The following ERG variants were observed in gnomAD, a reference collection of about 807,000 sequenced individuals.
ERG encodes ETS transcription factor ERG.
In ERG, 9 loss-of-function variants were observed where a neutral mutation model predicts 55.3. That is an observed-to-expected ratio of 0.16 (90% confidence interval 0.10 to 0.28). The LOEUF (loss-of-function observed/expected upper bound fraction) is 0.28. Ranked by LOEUF, ERG falls within the 10% of genes least tolerant of loss-of-function variation. ERG has a pLI of 1.00. For synonymous variants in ERG, 223 were observed against 237.3 expected (o/e 0.94, Z 0.55); for missense variants, 434 against 631.6 (o/e 0.69, Z 3.35).
At chr21:38,640,993 C>T (rs1314361185) in intron 1 of ERG, among the ~76,000 whole-genome samples, 2 of 152,148 alleles carry the variant, frequency 1.3e-5, no homozygotes, top group South Asian at 2.1e-4. Flanking sequence ...AGTGATAAAA[C>T]ATGTAGAAAA....
In ERG at chr21:38,383,449, C is replaced by T. The variant is rs1380476808; in HGVS notation, c.1394G>A (p.Arg465Lys). Residue 465 changes from arginine (R) to lysine (K), a missense_variant, in exon 10 of 10, where the codon AGG becomes AAG. Arg to Lys is a conservative substitution (Grantham distance 26). Coordinates refer to ENST00000288319, the MANE Select transcript of ERG (RefSeq NM_182918.4). This position sits in a 1 kb window ranked among gnomAD's most constrained non-coding sequence, Gnocchi z 5.7. ...SPTGGIYPNT[R>K]LPTSHMPSHL... is the part of the protein sequence containing the mutation. ...AGAAGGCATATGGCTGGTGGGGAGC[C>T]TAGTGTTGGGGTATATACCCCCAGT... The T allele has an allele frequency of 6.6e-7, 1 of 1,517,016 alleles. No individual in the cohort carries two copies. Among genetic ancestry groups the T allele is most frequent in the East Asian group, 2.3e-5 (1 of 43,926 alleles). The allele number at this position is 1,517,016 out of a possible 1,614,324, so 94.0% of individuals were successfully genotyped here. A position where few individuals can be genotyped will look rare whatever the true frequency, so the allele number is the denominator to read the frequency against.
At chr21:38,649,891 C>T (rs1231107945) in intron 1 of ERG, among the ~76,000 whole-genome samples, 1 of 152,208 alleles carries the variant, frequency 6.6e-6, no homozygotes, top group East Asian at 1.9e-4. Flanking sequence ...TCGCTACACA[C>T]CAGAGACGTA....
In ERG at chr21:38,593,992, C is replaced by CT. The variant is rs371491364; in HGVS notation, c.-149-9048_-149-9047insA. On this transcript the variant is annotated intron_variant, in intron 1 of 10. Coordinates refer to the ERG transcript ENST00000398910. Reference sequence around the variant, plus strand: ...GAAAAAATATTTCAGATTCCCAATTCGTATATCACATTGTTGACAAAAAAA... The same window carrying CT: ...GAAAAAATATTTCAGATTCCCAATTCTGTATATCACATTGTTGACAAAAAAA... Among the ~76,000 whole-genome samples the CT allele has an allele frequency of 1.6e-3, 242 of 152,132 alleles. 1 individual carries two copies. The highest frequency in any genetic ancestry group is 4.5e-3 in the African/African-American group (187 of 41,520).
chr21:38,541,882 T>A (rs896608463), intron 2 of ERG, among the ~76,000 whole-genome samples: 2 of 151,334 alleles, frequency 1.3e-5, no homozygotes, highest in African/African-American at 4.9e-5. Flanking sequence ...GTAACAAACC[T>A]GCACATCCGG....
intron 1 of ERG, among the ~76,000 whole-genome samples, chr21:38,452,473 CATAT>C (rs1569110614): frequency 6.6e-6 from 1 of 152,032 alleles, no homozygotes; most frequent in African/African-American, 2.4e-5. Flanking sequence ...AAATATCATA[CATAT>C]GTATACATAT....
chr21:38,407,443 T>C (rs964666683), intron 3 of ERG, among the ~76,000 whole-genome samples: 2 of 151,858 alleles, frequency 1.3e-5, no homozygotes, highest in Admixed American at 6.6e-5. Context: ...CAGAAAGAAA[T>C]TCAGAGGGAG....
intron 1 of ERG, among the ~76,000 whole-genome samples, chr21:38,465,297 C>T (rs968680158): frequency 6.6e-6 from 1 of 152,044 alleles, no homozygotes; most frequent in Non-Finnish European, 1.5e-5. Flanking sequence ...AGAGAAAAGC[C>T]GATCTGAAAA....
At chr21:38,632,273 C>G (rs2060361209) in intron 1 of ERG, among the ~76,000 whole-genome samples, 1 of 152,124 alleles carries the variant, frequency 6.6e-6, no homozygotes, top group Non-Finnish European at 1.5e-5. Context: ...AAAAGATGCT[C>G]AATGTCACTA....
intron 2 of ERG, among the ~76,000 whole-genome samples, chr21:38,519,941 C>G (rs528130815): frequency 6.6e-6 from 1 of 151,904 alleles, no homozygotes; most frequent in African/African-American, 2.4e-5. Context: ...AGCTTGGACA[C>G]TGAAAGCATT....
At chr21:38,418,216 G>A (rs1449439127) in intron 3 of ERG, among the ~76,000 whole-genome samples, 2 of 151,458 alleles carry the variant, frequency 1.3e-5, no homozygotes, top group Non-Finnish European at 2.9e-5. Flanking sequence ...TACACAATAA[G>A]CATGTTAATA....
At chr21:38,586,741 C>CA (rs2060067894), upstream of ERG, among the ~76,000 whole-genome samples, 1 of 152,090 alleles carries the variant, frequency 6.6e-6, no homozygotes, top group Non-Finnish European at 1.5e-5. Flanking sequence ...GTATGTATTA[C>CA]AAATCAAAAT....
At chr21:38,518,244 C>G (rs916210767) in intron 2 of ERG, among the ~76,000 whole-genome samples, 18 of 80,684 alleles carry the variant, frequency 2.2e-4, no homozygotes, top group African/African-American at 7.7e-4. Context: ...GTGTATCTAT[C>G]TATCTATCTA....
At chr21:38,591,002 T>C (rs1357366902) in intron 1 of ERG, among the ~76,000 whole-genome samples, 1 of 151,990 alleles carries the variant, frequency 6.6e-6, no homozygotes, top group East Asian at 1.9e-4. Context: ...AGAGTCTAAG[T>C]GGGAGTTAGG....
chr21:38,491,201 A>C (rs2059332506), intron 1 of ERG, among the ~76,000 whole-genome samples: 1 of 126,026 alleles, frequency 7.9e-6, no homozygotes, highest in Non-Finnish European at 1.8e-5. Flanking sequence ...GCACACTGTC[A>C]AAATTAAAAA....
At chr21:38,653,075 G>C (rs1184495656) in intron 1 of ERG, among the ~76,000 whole-genome samples, 1 of 152,104 alleles carries the variant, frequency 6.6e-6, no homozygotes, top group Non-Finnish European at 1.5e-5. Flanking sequence ...TCCACGATGT[G>C]AATGTTCCCC....
intron 2 of ERG, among the ~76,000 whole-genome samples, chr21:38,431,009 G>A (rs143755864): frequency 1.3e-4 from 20 of 152,280 alleles, no homozygotes; most frequent in Admixed American, 1.1e-3. Context: ...AACTGGAGAC[G>A]TGCCCAATGA....
intron 1 of ERG, among the ~76,000 whole-genome samples, chr21:38,620,180 A>G (rs928808098): frequency 1.3e-5 from 2 of 152,258 alleles, no homozygotes; most frequent in African/African-American, 4.8e-5. Flanking sequence ...TAGTGCCTTC[A>G]GCAAGTGTCT....
In ERG at chr21:38,382,504, C is replaced by T. The variant is rs1987494524; in HGVS notation, c.*899G>A. The T allele has an allele frequency of 7.5e-6, 8 of 1,064,888 alleles. No homozygotes were observed. The South Asian group carries it at 3.6e-4, about 48-fold the overall frequency. The allele number at this position is 1,064,888 out of a possible 1,614,324, so 66.0% of individuals were successfully genotyped here. ...TGCGCATTTTTGTTTCTGAATTCTA[C>T]TACTTCCCCTTTCTCCATTACGCTG... On this transcript the variant is annotated 3_prime_UTR_variant, in exon 10 of 10. Coordinates refer to ENST00000288319, the MANE Select transcript of ERG (RefSeq NM_182918.4).
chr21:38,582,676 C>G (rs2060037432), intron 1 of ERG, among the ~76,000 whole-genome samples: 1 of 152,118 alleles, frequency 6.6e-6, no homozygotes, highest in African/African-American at 2.4e-5. Context: ...CAACACTAAA[C>G]AAGTGGTAAT....
Sources: allele counts gnomAD v4.1 joint callset (sites outside exome capture counted in the v4.1 genomes callset), GRCh38; gene constraint gnomAD v4.1.1; non-coding constraint Gnocchi (gnomAD v3.1); transcripts MANE v1.5; gene names NCBI Gene and HGNC (gene_info 2026-07-23, HGNC 2026-07-21).